LHFPL4: variants seen among roughly 807,000 people sequenced by gnomAD.
LHFPL4 encodes the protein LHFPL tetraspan subfamily member 4, also known as LHFPL tetraspan subfamily member 4 protein.
In LHFPL4, 6 loss-of-function variants were observed where a neutral mutation model predicts 20.0. The observed-to-expected ratio is 0.30, with a 90% CI of 0.16 to 0.59. The LOEUF (loss-of-function observed/expected upper bound fraction) is 0.59. Ranked by LOEUF, LHFPL4 falls within the 20% of genes least tolerant of loss-of-function variation. The pLI, the probability that LHFPL4 is intolerant of heterozygous loss-of-function variation, is 0.88. For missense variants in LHFPL4, 215 were observed against 331.2 expected (o/e 0.65, Z 2.72); for synonymous variants, 129 against 143.8 (o/e 0.90, Z 0.74).
rs1403265323 is a variant in LHFPL4, at chr3:9,498,445, C to A, written c.*3766G>T. On this transcript the variant is annotated 3_prime_UTR_variant, in exon 4 of 4. Coordinates refer to ENST00000287585, the MANE Select transcript of LHFPL4 (RefSeq NM_198560.3). ...CCAGCAGCAGCAGAAGGGGTCAGGACCAAAATAAATGTTACCAAATTAGAC... is the reference window on the plus strand; with the variant it reads ...CCAGCAGCAGCAGAAGGGGTCAGGAACAAAATAAATGTTACCAAATTAGAC... The A allele has an allele frequency of 6.6e-6, 1 of 152,594 alleles. No individual in the cohort carries two copies. The highest frequency in any genetic ancestry group is 1.5e-5 in the Non-Finnish European group (1 of 68,092). 9.5% of individuals were successfully genotyped at this position (152,594 alleles called of 1,614,324 possible).
chr3:9,546,230 G>A lies in LHFPL4; in HGVS notation c.406+6044C>T, dbSNP rs181452949. On this transcript the variant is annotated intron_variant, in intron 2 of 3. Transcript: ENST00000287585. ...CTCAGTAGGCTGAGACAGAAGAATC[G>A]CTTGAACCCGGGAGACAGAGATTGC... is the stretch of plus-strand genomic sequence containing the variant. 6.3e-4 allele frequency among the ~76,000 whole-genome samples: 94 copies of A among 148,716 alleles called. 1 individual carries two copies. Among genetic ancestry groups the A allele is most frequent in the African/African-American group, 2.1e-3 (85 of 40,418 alleles).
chr3:9,552,753 C>T lies in LHFPL4; in HGVS notation c.-74G>A. ...GGCCCGGGACGGAGCGCCGGGCTGC[C>T]GGGCGGGAGCTGGGGACGCACGCGA... On this transcript the variant is annotated 5_prime_UTR_variant, in exon 2 of 4. Transcript: ENST00000287585. 1.1e-6 allele frequency: 1 copy of T among 937,648 alleles called. No homozygotes were observed. The highest frequency in any genetic ancestry group is 1.3e-6 in the Non-Finnish European group (1 of 758,716). The allele number at this position is 937,648 out of a possible 1,614,324, so 58.1% of individuals were successfully genotyped here.
At chr3:9,529,148 C>A (rs902021653) in intron 2 of LHFPL4, among the ~76,000 whole-genome samples, 2 of 152,062 alleles carry the variant, frequency 1.3e-5, no homozygotes, top group Non-Finnish European at 2.9e-5. Flanking sequence ...TCTGCCTCAG[C>A]CTCCCAAGTA....
chr3:9,500,355 G>A lies in LHFPL4; in HGVS notation c.*1856C>T, dbSNP rs1182143367. The A allele has an allele frequency of 6.6e-6, 1 of 152,352 alleles. No individual in the cohort carries two copies. The highest frequency in any genetic ancestry group is 1.9e-4 in the East Asian group (1 of 5,190). 9.4% of individuals were successfully genotyped at this position (152,352 alleles called of 1,614,324 possible). A position where few individuals can be genotyped will look rare whatever the true frequency, so the allele number is the denominator to read the frequency against. ...CTACCCCAGGCCGACTGGACTGTCC[G>A]GGAAGGCGCCGGCGGGGAAGGGGAG... On this transcript the variant is annotated 3_prime_UTR_variant, in exon 4 of 4. Transcript: ENST00000287585.
intron 2 of LHFPL4, among the ~76,000 whole-genome samples, chr3:9,517,808 G>T (rs7429629): frequency 0.11 from 12,742 of 112,882 alleles, 649 homozygotes; most frequent in Non-Finnish European, 0.14. Context: ...TTTGTTTTTT[G>T]TTTTTTTTTT....
chr3:9,502,983 GTCT>G (rs986023193), intron 3 of LHFPL4, among the ~76,000 whole-genome samples: 4 of 152,032 alleles, frequency 2.6e-5, no homozygotes, highest in African/African-American at 9.7e-5. Flanking sequence ...GGTTCCAGAG[GTCT>G]TCTTTAAATA....
chr3:9,506,079 G>A lies in LHFPL4; in HGVS notation c.531C>T (p.Tyr177=). 6.2e-7 allele frequency: 1 copy of A among 1,614,172 alleles called. No homozygotes were observed. Among genetic ancestry groups the A allele is most frequent in the Non-Finnish European group, 8.5e-7 (1 of 1,180,030 alleles). Residue 177 remains tyrosine (Y), a synonymous_variant, in exon 3 of 4, where the codon TAC becomes TAT. Transcript: ENST00000287585. This position sits in a 1 kb window ranked among gnomAD's most constrained non-coding sequence, Gnocchi z 4.5. Reference sequence around the variant, plus strand: ...TGAGGATGCCGATGATGGCCAGGATGTATGCCCAGCGCACTGAACAGTCCC... The same window carrying A: ...TGAGGATGCCGATGATGGCCAGGATATATGCCCAGCGCACTGAACAGTCCC... ...SLGDCSVRWA[Y]ILAIIGILNA...
intron 2 of LHFPL4, among the ~76,000 whole-genome samples, chr3:9,521,464 C>G (rs1332679416): frequency 6.6e-6 from 1 of 151,538 alleles, no homozygotes; most frequent in Non-Finnish European, 1.5e-5. Flanking sequence ...TGCAGTGGCA[C>G]GATCTCAGCT....
intron 2 of LHFPL4, among the ~76,000 whole-genome samples, chr3:9,539,494 T>C (rs2046464666): frequency 1.3e-5 from 2 of 148,578 alleles, no homozygotes; most frequent in African/African-American, 4.9e-5. Flanking sequence ...ACCCTTGTCC[T>C]CCTGATACCT....
Position 9,506,342 on chromosome 3 carries a change from G to C in LHFPL4, c.407-139C>G, listed in dbSNP as rs1295304914. 1.0e-5 allele frequency: 7 copies of C among 670,848 alleles called. No homozygotes were observed. The highest frequency in any genetic ancestry group is 1.8e-5 in the South Asian group (1 of 56,668). The allele number at this position is 670,848 out of a possible 1,614,324, so 41.6% of individuals were successfully genotyped here. ...CACGTGCTTGTTACCCACTTCCACA[G>C]AGGGAGAAAGAGAGGGCAGGGGCAG... On this transcript the variant is annotated intron_variant, in intron 2 of 3. Coordinates refer to ENST00000287585, the MANE Select transcript of LHFPL4 (RefSeq NM_198560.3). This position sits in a 1 kb window ranked among gnomAD's most constrained non-coding sequence, Gnocchi z 4.5.
rs1289055110 is a variant in LHFPL4 at position 9,501,574 on chromosome 3, G to A, written c.*637C>T. 6.6e-6 allele frequency: 1 copy of A among 152,250 alleles called. No homozygotes were observed. Among genetic ancestry groups the A allele is most frequent in the Non-Finnish European group, 1.5e-5 (1 of 68,164 alleles). The allele number at this position is 152,250 out of a possible 1,614,324, so 9.4% of individuals were successfully genotyped here. A position where few individuals can be genotyped will look rare whatever the true frequency, so the allele number is the denominator to read the frequency against. On this transcript the variant is annotated 3_prime_UTR_variant, in exon 4 of 4. Coordinates refer to ENST00000287585, the MANE Select transcript of LHFPL4 (RefSeq NM_198560.3). Reference sequence around the variant, plus strand: ...CTTTTCTGACTCTGGGCTGATCAGGGCCCCGGTCTGCAGCTGACAGCAGGG... The same window carrying A: ...CTTTTCTGACTCTGGGCTGATCAGGACCCCGGTCTGCAGCTGACAGCAGGG...
At chr3:9,531,801 G>GAAAGA (rs58150564) in intron 2 of LHFPL4, among the ~76,000 whole-genome samples, 46,459 of 148,106 alleles carry the variant, frequency 0.31, 7,689 homozygotes, top group Non-Finnish European at 0.36. Flanking sequence ...CTCCATCTCA[G>GAAAGA]AAAGAAAAGA....
At chr3:9,522,045 T>TA (rs1481104698) in intron 2 of LHFPL4, among the ~76,000 whole-genome samples, 1 of 152,146 alleles carries the variant, frequency 6.6e-6, no homozygotes, top group African/African-American at 2.4e-5. Context: ...CAGTTATACT[T>TA]AAAAAAATTT....
chr3:9,499,243 G>GC lies in LHFPL4; in HGVS notation c.*2967dup, dbSNP rs2046153506. 6.6e-6 allele frequency: 1 copy of GC among 152,300 alleles called. No individual in the cohort carries two copies. Among genetic ancestry groups the GC allele is most frequent in the African/African-American group, 2.4e-5 (1 of 41,398 alleles). 9.4% of individuals were successfully genotyped at this position (152,300 alleles called of 1,614,324 possible). A position where few individuals can be genotyped will look rare whatever the true frequency, so the allele number is the denominator to read the frequency against. On this transcript the variant is annotated 3_prime_UTR_variant, in exon 4 of 4. Coordinates refer to ENST00000287585, the MANE Select transcript of LHFPL4 (RefSeq NM_198560.3). ...GACGAGAGCAGAGGCAAACCACAAA[G>GC]CCCCCTTCCCATGATGTCTTTATTG...
intron 2 of LHFPL4, among the ~76,000 whole-genome samples, chr3:9,517,793 G>GTGTTTTTTTTT (rs2046312848): frequency 5.6e-5 from 7 of 124,422 alleles, no homozygotes; most frequent in African/African-American, 2.0e-4. Context: ...AGGAGGTTGG[G>GTGTTTTTTTTT]TTTTTTTGTT....
At chr3:9,533,610 G>A (rs1027246535) in intron 2 of LHFPL4, among the ~76,000 whole-genome samples, 18 of 152,226 alleles carry the variant, frequency 1.2e-4, no homozygotes, top group African/African-American at 4.3e-4. Flanking sequence ...ATGAAACCCC[G>A]TCTCTACTAA....
intron 2 of LHFPL4, among the ~76,000 whole-genome samples, chr3:9,541,406 G>A (rs927832890): frequency 4.6e-5 from 7 of 152,184 alleles, no homozygotes; most frequent in Non-Finnish European, 2.9e-5. Context: ...TTGGTGCTGG[G>A]AAACTGAATA....
intron 2 of LHFPL4, among the ~76,000 whole-genome samples, chr3:9,511,195 C>T (rs2046257211): frequency 6.6e-6 from 1 of 151,060 alleles, no homozygotes; most frequent in South Asian, 2.1e-4. Context: ...ACTAAAAATA[C>T]AAAAAATTAG....
At chr3:9,520,939 G>A (rs2046333227) in intron 2 of LHFPL4, among the ~76,000 whole-genome samples, 1 of 152,072 alleles carries the variant, frequency 6.6e-6, no homozygotes. Context: ...TAATGGTGGT[G>A]TTGAGTTCAG....
Sources: gnomAD v4.1 joint callset for allele counts (sites outside exome capture counted in the v4.1 genomes callset) on GRCh38, gnomAD v4.1.1 for gene constraint, Gnocchi (gnomAD v3.1) non-coding constraint, MANE v1.5 for transcripts, NCBI Gene and HGNC (gene_info 2026-07-23, HGNC 2026-07-21) for gene names.